Variants in ZNF26 observed in about 807,000 individuals in gnomAD.
The protein encoded by ZNF26 is epididymis luminal protein 179.
ZNF26 carries 32 observed loss-of-function variants against 54.9 expected under a neutral mutation model. The observed-to-expected ratio is 0.58, with a 90% CI of 0.44 to 0.78. The LOEUF is 0.78. Among genes scored for constraint, ZNF26 ranks in the 30% least tolerant of loss-of-function variants. ZNF26 has a pLI of 0.00. For missense variants in ZNF26, 524 were observed against 634.0 expected (o/e 0.83, Z 1.86); for synonymous variants, 221 against 209.2 (o/e 1.06, Z -0.49).
In ZNF26 at chr12:133,010,205, G is replaced by A; in HGVS notation, c.326G>A (p.Ser109Asn). The A allele has an allele frequency of 6.2e-7, 1 of 1,613,888 alleles. No individual in the cohort carries two copies. The highest frequency in any genetic ancestry group is 2.2e-5 in the East Asian group (1 of 44,862). ...LESIERSYACSVLGRLNLSKT... is the reference protein window; with the variant it reads ...LESIERSYACNVLGRLNLSKT... ...AGTATTGAAAGAAGCTATGCTTGTA[G>A]TGTGTTGGGAAGACTTAATCTGAGC... The change falls in exon 4 of 4, where the codon AGT becomes AAT. Residue 109 changes from serine to asparagine, a missense_variant. Coordinates refer to ENST00000328654, the MANE Select transcript of ZNF26 (RefSeq NM_019591.4).
chr12:133,017,963 C>T lies in ZNF26; in HGVS notation c.*6482C>T, dbSNP rs924623176. 7 of 152,212 alleles carry T rather than the reference C, an allele frequency of 4.6e-5. No individual in the cohort carries two copies. Among genetic ancestry groups the T allele is most frequent in the South Asian group, 2.1e-4 (1 of 4,832 alleles). The allele number at this position is 152,212 out of a possible 1,614,324, so 9.4% of individuals were successfully genotyped here. On this transcript the variant is annotated 3_prime_UTR_variant, in exon 4 of 4. Coordinates refer to ENST00000328654, the MANE Select transcript of ZNF26 (RefSeq NM_019591.4). ...GGCAGAGGTTGCAGTGAGCCGAGAT[C>T]ACGCCACCGCACTTCAGCCTGGGCA... is the stretch of plus-strand genomic sequence containing the variant.
rs1953215037 is a variant in ZNF26, at chr12:133,001,346, G to A, written c.34-5696G>A. Among the ~76,000 whole-genome samples, 1 of 152,228 alleles carries A rather than the reference G, an allele frequency of 6.6e-6. No individual in the cohort carries two copies. Among genetic ancestry groups the A allele is most frequent in the Non-Finnish European group, 1.5e-5 (1 of 68,036 alleles). On this transcript the variant is annotated intron_variant, in intron 1 of 3. Coordinates refer to ENST00000328654, the MANE Select transcript of ZNF26 (RefSeq NM_019591.4). The surrounding 1 kb of genome is among the most constrained non-coding windows in gnomAD (Gnocchi z 4.7). ...TCATTCTAGCCTGCAGAGGGGAGAT[G>A]GAGGAGGCTTGTCTGTATTCCCACT...
chr12:133,024,074 T>G lies in ZNF26; in HGVS notation c.*12593T>G, dbSNP rs1177963345. The G allele has an allele frequency of 6.6e-6, 1 of 152,218 alleles. No individual in the cohort carries two copies. Among genetic ancestry groups the G allele is most frequent in the Non-Finnish European group, 1.5e-5 (1 of 68,040 alleles). 9.4% of individuals were successfully genotyped at this position (152,218 alleles called of 1,614,324 possible). A position where few individuals can be genotyped will look rare whatever the true frequency, so the allele number is the denominator to read the frequency against. On this transcript the variant is annotated 3_prime_UTR_variant, in exon 4 of 4. Transcript: ENST00000328654. ...CCATCAGAAATAATAACGTCTTTGT[T>G]GCTATTTGTGCTATAATGTTTTGAG...
intron 1 of ZNF26, among the ~76,000 whole-genome samples, chr12:133,003,938 C>G (rs1385230695): frequency 3.3e-5 from 5 of 152,254 alleles, no homozygotes; most frequent in African/African-American, 1.2e-4. Flanking sequence ...TTGAGTTAAA[C>G]TGATGTAAAA....
At chr12:132,999,819 G>A (rs934406945) in intron 1 of ZNF26, among the ~76,000 whole-genome samples, 3 of 151,960 alleles carry the variant, frequency 2.0e-5, no homozygotes, top group African/African-American at 4.8e-5. Flanking sequence ...TCAGCCTCCC[G>A]TCACCATGCC....
In ZNF26 at chr12:132,986,859, A is replaced by G; in HGVS notation, c.19A>G (p.Thr7Ala). Residue 7 changes from threonine (T) to alanine (A), a missense_variant, in exon 1 of 4, where the codon ACA becomes GCA. Thr to Ala is a moderately conservative substitution (Grantham distance 58). Coordinates refer to ENST00000328654, the MANE Select transcript of ZNF26 (RefSeq NM_019591.4). MATSFR[T>A]ASCWGLLSFK... is the part of the protein sequence containing the mutation. ...CGTGGGGATGGCCACCAGTTTCCGGACAGCTTCGTGCTGGGTAAGTAGAGA... is the reference window on the plus strand; with the variant it reads ...CGTGGGGATGGCCACCAGTTTCCGGGCAGCTTCGTGCTGGGTAAGTAGAGA... 2 of 1,607,904 alleles carry G rather than the reference A, an allele frequency of 1.2e-6. No individual in the cohort carries two copies. The highest frequency in any genetic ancestry group is 2.2e-5 in the South Asian group (2 of 89,748).
Position 133,011,109 on chromosome 12 carries a change from G to A in ZNF26, c.1230G>A (p.Lys410=). 6.2e-7 allele frequency: 1 copy of A among 1,614,170 alleles called. No individual in the cohort carries two copies. Among genetic ancestry groups the A allele is most frequent in the Non-Finnish European group, 8.5e-7 (1 of 1,180,018 alleles). Residue 410 remains lysine (K), a synonymous_variant, in exon 4 of 4, where the codon AAG becomes AAA. Coordinates refer to ENST00000328654, the MANE Select transcript of ZNF26 (RefSeq NM_019591.4). The stretch of plus-strand genomic sequence containing the variant: ...AATGTGGGAAGGCTTTCAGCAGCAA[G>A]TCATACCTTGTTATACATAGGAGAA... ...CSECGKAFSS[K]SYLVIHRRTH...
chr12:133,004,096 T>A (rs1221941011), intron 1 of ZNF26, among the ~76,000 whole-genome samples: 1 of 152,242 alleles, frequency 6.6e-6, no homozygotes, highest in African/African-American at 2.4e-5. Flanking sequence ...TTGTTTTCAG[T>A]ATGTTTCTTC....
chr12:133,000,175 T>G (rs1161361899), intron 1 of ZNF26, among the ~76,000 whole-genome samples: 1 of 152,164 alleles, frequency 6.6e-6, no homozygotes, highest in African/African-American at 2.4e-5. Context: ...AAATTTTCTT[T>G]TTAAATTTTC....
intron 3 of ZNF26, among the ~76,000 whole-genome samples, chr12:133,008,963 T>A (rs965395990): frequency 1.1e-4 from 16 of 151,440 alleles, no homozygotes; most frequent in African/African-American, 3.6e-4. Context: ...AAAGCAGGAG[T>A]AAGGCGGGGC....
At position 133,007,053 on chromosome 12, in the gene ZNF26, A is replaced by G. The variant is rs1005046553; in HGVS notation, c.45A>G (p.Ser15=). 100 of 1,614,056 alleles carry G rather than the reference A, an allele frequency of 6.2e-5. No individual in the cohort carries two copies. The highest frequency in any genetic ancestry group is 4.9e-4 in the Middle Eastern group (3 of 6,084). The change falls in exon 2 of 4, where the codon TCA becomes TCG. Residue 15 remains serine (S), a synonymous_variant. Coordinates refer to ENST00000328654, the MANE Select transcript of ZNF26 (RefSeq NM_019591.4). ...FRTASCWGLL[S]FKDISMEFTW... ...GTGTGTTATTTCAGGGATTATTGTC[A>G]TTCAAGGATATATCTATGGAGTTCA...
At position 132,986,837 on chromosome 12, in the gene ZNF26, G is replaced by T; in HGVS notation, c.-4G>T. 1 of 1,605,526 alleles carries T rather than the reference G, an allele frequency of 6.2e-7. No homozygotes were observed. Among genetic ancestry groups the T allele is most frequent in the Non-Finnish European group, 8.5e-7 (1 of 1,176,114 alleles). On this transcript the variant is annotated 5_prime_UTR_variant, in exon 1 of 4. Transcript: ENST00000328654. The stretch of plus-strand genomic sequence containing the variant: ...GCAGGCAGCGCGCGAACGTGGGCGT[G>T]GGGATGGCCACCAGTTTCCGGACAG...
rs1178250459 is a variant in ZNF26 at position 133,013,950 on chromosome 12, A to G, written c.*2469A>G. 1.3e-5 allele frequency: 2 copies of G among 152,384 alleles called. No individual in the cohort carries two copies. The highest frequency in any genetic ancestry group is 2.9e-5 in the Non-Finnish European group (2 of 68,136). The allele number at this position is 152,384 out of a possible 1,614,324, so 9.4% of individuals were successfully genotyped here. On this transcript the variant is annotated 3_prime_UTR_variant, in exon 4 of 4. Coordinates refer to ENST00000328654, the MANE Select transcript of ZNF26 (RefSeq NM_019591.4). ...TTGTGTATTATTTGACTGCTTTTGC[A>G]CAGCCATGGCACAGTTGAGTAGTTG... is the stretch of plus-strand genomic sequence containing the variant.
Position 133,015,733 on chromosome 12 carries a change from A to C in ZNF26, c.*4252A>C, listed in dbSNP as rs973271280. The C allele has an allele frequency of 6.6e-6, 1 of 152,266 alleles. No homozygotes were observed. Among genetic ancestry groups the C allele is most frequent in the African/African-American group, 2.4e-5 (1 of 41,472 alleles). The allele number at this position is 152,266 out of a possible 1,614,324, so 9.4% of individuals were successfully genotyped here. A position where few individuals can be genotyped will look rare whatever the true frequency, so the allele number is the denominator to read the frequency against. The stretch of plus-strand genomic sequence containing the variant: ...AAAAGCCAAAAGAAGCCAAGAGGAC[A>C]GTCTTCTGAGTAGAGGGCATAGGAG... On this transcript the variant is annotated 3_prime_UTR_variant, in exon 4 of 4. Transcript: ENST00000328654.
intron 1 of ZNF26, chr12:133,006,483 A>G (rs1953331128): frequency 5.9e-6 from 1 of 169,462 alleles, no homozygotes; most frequent in Admixed American, 6.5e-5. Context: ...GTTCATTCCC[A>G]TCTACAAGAT....
intron 1 of ZNF26, chr12:132,987,888 A>G (rs1198635162): frequency 5.2e-6 from 1 of 193,094 alleles, no homozygotes; most frequent in Non-Finnish European, 9.5e-6. Flanking sequence ...TTTGTCAGAG[A>G]TCAGTTGACT....
rs1953699761 is a variant in ZNF26, at chr12:133,026,078, C to G, written c.*14597C>G. 6.6e-6 allele frequency: 1 copy of G among 152,108 alleles called. No homozygotes were observed. Among genetic ancestry groups the G allele is most frequent in the Non-Finnish European group, 1.5e-5 (1 of 68,052 alleles). The allele number at this position is 152,108 out of a possible 1,614,324, so 9.4% of individuals were successfully genotyped here. ...AGCTGAGCCTATCTTGAATTTCTGA[C>G]CCAGGAAACTATTAGATATAATAAG... On this transcript the variant is annotated 3_prime_UTR_variant, in exon 4 of 4. Coordinates refer to ENST00000328654, the MANE Select transcript of ZNF26 (RefSeq NM_019591.4).
In ZNF26 at chr12:133,022,124, G is replaced by A. The variant is rs1467373423; in HGVS notation, c.*10643G>A. 1.3e-5 allele frequency: 2 copies of A among 150,968 alleles called. No individual in the cohort carries two copies. Among genetic ancestry groups the A allele is most frequent in the African/African-American group, 4.9e-5 (2 of 41,126 alleles). 9.4% of individuals were successfully genotyped at this position (150,968 alleles called of 1,614,324 possible). A position where few individuals can be genotyped will look rare whatever the true frequency, so the allele number is the denominator to read the frequency against. ...TTCCAGCTACTCGGGAGGCTGAGACGGGAGTATCACTTGAACTCGAAAGGT... is the reference window on the plus strand; with the variant it reads ...TTCCAGCTACTCGGGAGGCTGAGACAGGAGTATCACTTGAACTCGAAAGGT... On this transcript the variant is annotated 3_prime_UTR_variant, in exon 4 of 4. Coordinates refer to ENST00000328654, the MANE Select transcript of ZNF26 (RefSeq NM_019591.4).
Position 133,024,403 on chromosome 12 carries a change from T to C in ZNF26, c.*12922T>C, listed in dbSNP as rs1425524108. 1 of 152,142 alleles carries C rather than the reference T, an allele frequency of 6.6e-6. No individual in the cohort carries two copies. Among genetic ancestry groups the C allele is most frequent in the East Asian group, 1.9e-4 (1 of 5,186 alleles). 9.4% of individuals were successfully genotyped at this position (152,142 alleles called of 1,614,324 possible). A position where few individuals can be genotyped will look rare whatever the true frequency, so the allele number is the denominator to read the frequency against. On this transcript the variant is annotated 3_prime_UTR_variant, in exon 4 of 4. Coordinates refer to ENST00000328654, the MANE Select transcript of ZNF26 (RefSeq NM_019591.4). Reference sequence around the variant, plus strand: ...ACTGTCACCTAATGTAAATGGAAAATAGAAGATGTACCTCATGACCTCAGT... The same window carrying C: ...ACTGTCACCTAATGTAAATGGAAAACAGAAGATGTACCTCATGACCTCAGT...
Sources: gnomAD v4.1 joint callset for allele counts (sites outside exome capture counted in the v4.1 genomes callset) on GRCh38, gnomAD v4.1.1 for gene constraint, Gnocchi (gnomAD v3.1) non-coding constraint, MANE v1.5 for transcripts, NCBI Gene and HGNC (gene_info 2026-07-23, HGNC 2026-07-21) for gene names.